DMXL2: variants seen among roughly 807,000 people sequenced by gnomAD.
DMXL2 encodes the protein dmX-like protein 2.
In DMXL2, 103 loss-of-function variants were observed where a neutral mutation model predicts 331.1. The observed-to-expected ratio is 0.31, with a 90% CI of 0.27 to 0.37. The LOEUF is 0.37. Among genes scored for constraint, DMXL2 ranks in the 10% least tolerant of loss-of-function variants. The probability of loss-of-function intolerance (pLI) is 1.00; values close to 1 mark genes in which losing one functional copy is unlikely to be tolerated. For missense variants in DMXL2, 3,171 were observed against 3,642.9 expected (o/e 0.87, Z 3.33); for synonymous variants, 1,281 against 1,252.1 (o/e 1.02, Z -0.49).
At chr15:51,469,374 G>C (rs936151381) in intron 29 of DMXL2, among the ~76,000 whole-genome samples, 2 of 151,962 alleles carry the variant, frequency 1.3e-5, no homozygotes, top group African/African-American at 4.8e-5. Context: ...CTCTCCTTTT[G>C]TGTATGTTGG....
At chr15:51,458,359 C>A (rs2039829087) in intron 36 of DMXL2, 147 bp downstream of exon 36, 1 of 740,696 alleles carries the variant, frequency 1.4e-6, no homozygotes, top group Non-Finnish European at 2.1e-6. Flanking sequence ...CAAAGACTTT[C>A]ACTGGCAGCT....
chr15:51,606,793 C>T (rs1245696917), intron 1 of DMXL2, among the ~76,000 whole-genome samples: 1 of 152,194 alleles, frequency 6.6e-6, no homozygotes, highest in African/African-American at 2.4e-5. Flanking sequence ...GCAAATTAGA[C>T]ATGGCTGAAT....
intron 13 of DMXL2, among the ~76,000 whole-genome samples, chr15:51,524,564 C>G (rs766028016): frequency 1.3e-5 from 2 of 152,178 alleles, no homozygotes; most frequent in Non-Finnish European, 2.9e-5. Context: ...CTGGCAGCAG[C>G]AGCGTGGTGC....
Position 51,451,690 on chromosome 15 carries a change from A to T in DMXL2, c.8704T>A (p.Cys2902Ser), listed in dbSNP as rs775164552. Residue 2902 changes from cysteine (C) to serine (S), a missense_variant, in exon 42 of 44, where the codon TGC becomes AGC. Physicochemically the swap from Cys to Ser is moderately radical, Grantham distance 112 (BLOSUM62 -1). Transcript: ENST00000560891. Reference protein sequence around the residue: ...SGHSNDNRNVCLWDTLISPGN... With the variant: ...SGHSNDNRNVSLWDTLISPGN... ...GGTGATATTAATGTGTCCCAGAGGC[A>T]AACATTTCTTTTAAAGAAACACAAT... The T allele has an allele frequency of 1.2e-6, 2 of 1,613,006 alleles. No individual in the cohort carries two copies. Among genetic ancestry groups the T allele is most frequent in the Admixed American group, 3.3e-5 (2 of 59,970 alleles).
intron 42 of DMXL2, among the ~76,000 whole-genome samples, chr15:51,450,890 A>T (rs1204783788): frequency 6.6e-6 from 1 of 152,238 alleles, no homozygotes; most frequent in Non-Finnish European, 1.5e-5. Context: ...CTGCAATAAA[A>T]TTGAGAATTA....
chr15:51,507,249 G>A lies in DMXL2; in HGVS notation c.2649C>T (p.Tyr883=), dbSNP rs1297265409. Residue 883 remains tyrosine, a synonymous_variant, in exon 16 of 44, where the codon TAC becomes TAT. Coordinates refer to ENST00000560891, the MANE Select transcript of DMXL2 (RefSeq NM_001378457.1). ...TEIFFQPSQG[Y]RPPPFSEKFF... ...ACTTTTCTGAAAATGGTGGTGGGCG[G>A]TATCCTATTATTCAAAGGAAAAGGA... 1 of 1,607,178 alleles carries A rather than the reference G, an allele frequency of 6.2e-7. No homozygotes were observed. The highest frequency in any genetic ancestry group is 1.3e-5 in the African/African-American group (1 of 74,728).
chr15:51,499,194 G>A lies in DMXL2; in HGVS notation c.4030C>T (p.Leu1344Phe). ...AGCTGAGTTGGATGATATTGTGGAA[G>A]AGTAGGGGAAAGTACATGTGCAGCC... is the stretch of plus-strand genomic sequence containing the variant. ...FEAAHVLSPT[L>F]PQYHPTQLLE... The change falls in exon 18 of 44, where the codon CTT (leucine) becomes TTT (phenylalanine). Residue 1344 changes from leucine to phenylalanine, a missense_variant. Leu to Phe is a conservative substitution (Grantham distance 22). Around this residue, in one of 7 missense-constraint regions of DMXL2, gnomAD observed 1,674 missense variants for 1,780.2 expected, o/e 0.94. Coordinates refer to ENST00000560891, the MANE Select transcript of DMXL2 (RefSeq NM_001378457.1). 6.2e-7 allele frequency: 1 copy of A among 1,614,084 alleles called. No individual in the cohort carries two copies.
intron 15 of DMXL2, among the ~76,000 whole-genome samples, chr15:51,513,404 A>G (rs546772961): frequency 2.6e-5 from 4 of 152,338 alleles, no homozygotes; most frequent in African/African-American, 7.2e-5. Flanking sequence ...TGTTATAATG[A>G]TAGTGAAATA....
rs12592889 is a variant in DMXL2, at chr15:51,502,975, G to A, written c.2823C>T (p.Asn941=). Reference sequence around the variant, plus strand: ...GAGAGGTTTCTGGAGAAGAATCTACGTTCTTCTGTCCAGGGACTGAAAGTA... The same window carrying A: ...GAGAGGTTTCTGGAGAAGAATCTACATTCTTCTGTCCAGGGACTGAAAGTA... ...ESLLSVPGQK[N]VDSSPETSPS... Residue 941 remains asparagine, a synonymous_variant, in exon 17 of 44, where the codon AAC becomes AAT. Transcript: ENST00000560891. 804,602 of 1,611,788 alleles carry A rather than the reference G, an allele frequency of 0.5. 202,837 individuals are homozygous for A. The highest frequency in any genetic ancestry group is 0.52 in the Non-Finnish European group (608,475 of 1,178,068).
intron 1 of DMXL2, among the ~76,000 whole-genome samples, chr15:51,594,401 T>G (rs993054404): frequency 2.0e-5 from 3 of 152,068 alleles, no homozygotes; most frequent in African/African-American, 4.8e-5. Context: ...AATAACAGGC[T>G]CTGAAATTGA....
intron 1 of DMXL2, among the ~76,000 whole-genome samples, chr15:51,620,729 G>C (rs1371653780): frequency 6.6e-6 from 1 of 152,178 alleles, no homozygotes; most frequent in Non-Finnish European, 1.5e-5. Context: ...AAATCTGGTA[G>C]ACAGTGCAGA....
At chr15:51,589,789 T>C (rs977285521) in intron 1 of DMXL2, among the ~76,000 whole-genome samples, 6 of 152,192 alleles carry the variant, frequency 3.9e-5, no homozygotes, top group Non-Finnish European at 5.9e-5. Flanking sequence ...AATTCGATAT[T>C]ATGAATTAAG....
intron 8 of DMXL2, 86 bp downstream of exon 8, chr15:51,545,497 G>T: frequency 8.6e-7 from 1 of 1,157,388 alleles, no homozygotes; most frequent in Non-Finnish European, 1.3e-6. Flanking sequence ...CATGTACCAT[G>T]TGTGCCATCT....
At chr15:51,522,117 C>T (rs1016583668) in intron 13 of DMXL2, among the ~76,000 whole-genome samples, 3 of 152,062 alleles carry the variant, frequency 2.0e-5, no homozygotes, top group Non-Finnish European at 4.4e-5. Flanking sequence ...TTTTTAGGCA[C>T]CAAAACAACT....
chr15:51,581,397 A>G (rs1949504992), intron 1 of DMXL2, among the ~76,000 whole-genome samples: 3 of 152,164 alleles, frequency 2.0e-5, no homozygotes, highest in African/African-American at 7.2e-5. Flanking sequence ...GCTGCTCTAG[A>G]GGGTTTAATG....
At chr15:51,594,209 G>A (rs1255702706) in intron 1 of DMXL2, among the ~76,000 whole-genome samples, 1 of 152,082 alleles carries the variant, frequency 6.6e-6, no homozygotes, top group African/African-American at 2.4e-5. Flanking sequence ...TCAAATAGAT[G>A]CAACAAAAAA....
At chr15:51,455,270 C>T (rs1237201735) in intron 39 of DMXL2, 42 bp from the exon 40 acceptor site, 1 of 1,505,194 alleles carries the variant, frequency 6.6e-7, no homozygotes, top group Admixed American at 1.7e-5. Context: ...TTCTTAGCAT[C>T]CACAGCAAAG....
intron 13 of DMXL2, among the ~76,000 whole-genome samples, chr15:51,532,957 A>G (rs147293508): frequency 6.6e-6 from 1 of 152,378 alleles, no homozygotes; most frequent in African/African-American, 2.4e-5. Flanking sequence ...ATATGCATTC[A>G]GCAATGTTAC....
At chr15:51,560,688 GA>G (rs917797280) in intron 6 of DMXL2, among the ~76,000 whole-genome samples, 26 of 147,600 alleles carry the variant, frequency 1.8e-4, no homozygotes, top group African/African-American at 4.7e-4. Flanking sequence ...AAAAAGAAAA[GA>G]AAAAAAAGAA....
Sources: allele counts gnomAD v4.1 joint callset (sites outside exome capture counted in the v4.1 genomes callset), GRCh38; gene constraint gnomAD v4.1.1; regional missense constraint gnomAD v4.1.1; transcripts MANE v1.5; gene names NCBI Gene and HGNC (gene_info 2026-07-23, HGNC 2026-07-21).